The following CACNB2 variants were observed in gnomAD, a reference collection of about 807,000 sequenced individuals.
CACNB2 encodes the protein calcium voltage-gated channel auxiliary subunit beta 2, also known as voltage-dependent L-type calcium channel subunit beta-2.
CACNB2 carries 42 observed loss-of-function variants against 73.3 expected under a neutral mutation model. The ratio of observed to expected loss-of-function variants is 0.57; its 90% CI spans 0.45 to 0.74. The LOEUF (loss-of-function observed/expected upper bound fraction) is 0.74. Among genes scored for constraint, CACNB2 ranks in the 30% least tolerant of loss-of-function variants. The pLI is 0.00. For synonymous variants in CACNB2, 348 were observed against 310.3 expected, an observed-to-expected ratio of 1.12 and a Z score of -1.28; for missense variants, 940 against 853.0, an observed-to-expected ratio of 1.10 and a Z score of -1.27.
chr10:18,244,455 CAT>C (rs911038372), intron 2 of CACNB2, among the ~76,000 whole-genome samples: 2 of 152,216 alleles, frequency 1.3e-5, no homozygotes, highest in South Asian at 2.1e-4. Flanking sequence ...AACAGTCTCT[CAT>C]AAAAAAATTG....
intron 2 of CACNB2, among the ~76,000 whole-genome samples, chr10:18,189,858 T>G (rs1054938752): frequency 6.6e-6 from 1 of 152,220 alleles, no homozygotes; most frequent in Non-Finnish European, 1.5e-5. Context: ...TGTTATTCCT[T>G]GAGATCTTTG....
At position 18,539,404 on chromosome 10, in the gene CACNB2, T is replaced by C. The variant is rs1589778402; in HGVS notation, c.1663T>C (p.Phe555Leu). ...TCGCGGCCTCTCCAGGCAAGAGACATTTGACTCGGAAACCCAGGAGAGTCG... is the reference window on the plus strand; with the variant it reads ...TCGCGGCCTCTCCAGGCAAGAGACACTTGACTCGGAAACCCAGGAGAGTCG... ...TSRGLSRQET[F>L]DSETQESRDS... The change falls in exon 14 of 14, where the codon TTT (phenylalanine) becomes CTT (leucine). Residue 555 changes from phenylalanine to leucine, a missense_variant. Phe to Leu is a conservative substitution (Grantham distance 22). Transcript: ENST00000324631. 11 of 1,613,970 alleles carry C rather than the reference T, an allele frequency of 6.8e-6. No individual in the cohort carries two copies. The highest frequency in any genetic ancestry group is 8.5e-6 in the Non-Finnish European group (10 of 1,179,988).
At chr10:18,317,098 C>T (rs2040217107) in intron 2 of CACNB2, among the ~76,000 whole-genome samples, 1 of 151,960 alleles carries the variant, frequency 6.6e-6, no homozygotes, top group African/African-American at 2.4e-5. Flanking sequence ...CTCCCCATTC[C>T]CCACACCACC....
At chr10:18,366,984 A>T (rs1345774464) in intron 2 of CACNB2, among the ~76,000 whole-genome samples, 1 of 152,212 alleles carries the variant, frequency 6.6e-6, no homozygotes, top group Non-Finnish European at 1.5e-5. Flanking sequence ...GTCATAATGC[A>T]CTTGAACTTC....
chr10:18,311,180 C>G (rs2039951300), intron 2 of CACNB2, among the ~76,000 whole-genome samples: 1 of 152,012 alleles, frequency 6.6e-6, no homozygotes, highest in South Asian at 2.1e-4. Context: ...TATTTTGGAC[C>G]TTTTAGGCTC....
intron 3 of CACNB2, among the ~76,000 whole-genome samples, chr10:18,481,192 CTATATATATATATATA>C (rs145814788): frequency 0.015 from 553 of 36,694 alleles, 9 homozygotes; most frequent in Middle Eastern, 0.1. Flanking sequence ...TACATCTTCG[CTATATATATATATATA>C]TATATATATA....
At chr10:18,293,507 G>A (rs1221601922) in intron 2 of CACNB2, among the ~76,000 whole-genome samples, 4 of 152,180 alleles carry the variant, frequency 2.6e-5, no homozygotes, top group Non-Finnish European at 4.4e-5. Flanking sequence ...CTGCCTAATG[G>A]CATGTTTCTA....
At chr10:18,497,750 C>G (rs1010114501) in intron 3 of CACNB2, among the ~76,000 whole-genome samples, 15 of 152,032 alleles carry the variant, frequency 9.9e-5, no homozygotes, top group Admixed American at 3.9e-4. Context: ...TTCAAAGCAT[C>G]AAATAAGGAA....
At chr10:18,160,341 A>T (rs964712695) in intron 2 of CACNB2, among the ~76,000 whole-genome samples, 1 of 152,180 alleles carries the variant, frequency 6.6e-6, no homozygotes, top group Non-Finnish European at 1.5e-5. Flanking sequence ...CTATGAAGAT[A>T]CATCATTTTA....
At chr10:18,476,560 C>T (rs774981994) in intron 3 of CACNB2, among the ~76,000 whole-genome samples, 4 of 152,064 alleles carry the variant, frequency 2.6e-5, no homozygotes, top group Non-Finnish European at 4.4e-5. Flanking sequence ...GAGGCTGAAG[C>T]GATGTTATGA....
At chr10:18,513,948 A>G (rs1222411632) in intron 6 of CACNB2, among the ~76,000 whole-genome samples, 2 of 152,256 alleles carry the variant, frequency 1.3e-5, no homozygotes, top group Non-Finnish European at 2.9e-5. Flanking sequence ...TCAACATTAT[A>G]TTTGAAACTA....
At chr10:18,530,819 T>C (rs1564660483) in intron 10 of CACNB2, among the ~76,000 whole-genome samples, 2 of 152,216 alleles carry the variant, frequency 1.3e-5, no homozygotes, top group African/African-American at 2.4e-5. Context: ...ATTTCCGTAA[T>C]ACAGATTAGA....
intron 3 of CACNB2, among the ~76,000 whole-genome samples, chr10:18,488,855 C>T (rs1438396863): frequency 4.0e-5 from 6 of 151,228 alleles, no homozygotes; most frequent in Admixed American, 6.6e-5. Context: ...CCAGCTCTAA[C>T]GCTTATGGCC....
chr10:18,530,300 G>GC (rs1480836898), intron 10 of CACNB2, among the ~76,000 whole-genome samples: 1 of 152,056 alleles, frequency 6.6e-6, no homozygotes, highest in Non-Finnish European at 1.5e-5. Flanking sequence ...TTATTTTGGT[G>GC]CCCAGGGACA....
intron 2 of CACNB2, chr10:18,400,494 G>A (rs781637676): frequency 2.8e-6 from 2 of 703,696 alleles, no homozygotes; most frequent in Non-Finnish European, 3.5e-6. Context: ...TGTGATGTGA[G>A]CATCTGCGTA....
chr10:18,430,783 T>C (rs534392944), intron 3 of CACNB2, among the ~76,000 whole-genome samples: 28 of 152,370 alleles, frequency 1.8e-4, no homozygotes, highest in African/African-American at 5.3e-4. Context: ...AATTCTAACA[T>C]GCAAATGTGT....
intron 2 of CACNB2, among the ~76,000 whole-genome samples, chr10:18,326,825 C>T (rs187398010): frequency 6.6e-6 from 1 of 152,182 alleles, no homozygotes; most frequent in African/African-American, 2.4e-5. Flanking sequence ...CTTCTGGGCT[C>T]AAGCAATCCT....
chr10:18,424,497 T>C (rs2045496450), intron 3 of CACNB2, among the ~76,000 whole-genome samples: 1 of 152,196 alleles, frequency 6.6e-6, no homozygotes, highest in Non-Finnish European at 1.5e-5. Context: ...GCGTGTCTGA[T>C]TGAAAGCTGC....
In CACNB2 at chr10:18,515,285, G is replaced by A. The variant is rs560305038; in HGVS notation, c.804+916G>A. On this transcript the variant is annotated intron_variant, in intron 7 of 13. Transcript: ENST00000324631. ...TCCTCACCCATTTTGTAGCTTTAAA[G>A]CATTATTTTTTAAGGACCACTAACC... Among the ~76,000 whole-genome samples the A allele has an allele frequency of 1.6e-4, 24 of 152,146 alleles. 1 individual carries two copies. The South Asian group carries it at 2.3e-3, about 14-fold the overall frequency.
Sources: allele counts gnomAD v4.1 joint callset (sites outside exome capture counted in the v4.1 genomes callset), GRCh38; gene constraint gnomAD v4.1.1; transcripts MANE v1.5; gene names NCBI Gene and HGNC (gene_info 2026-07-23, HGNC 2026-07-21).